The following FER variants were observed in gnomAD, a reference collection of about 807,000 sequenced individuals.
FER encodes the protein FER tyrosine kinase, also known as tyrosine-protein kinase Fer.
A neutral mutation model predicts 111.0 loss-of-function variants in FER; 63 were observed. The observed-to-expected ratio is 0.57, with a 90% confidence interval of 0.46 to 0.70. The LOEUF (loss-of-function observed/expected upper bound fraction) is 0.70. FER is among the 30% of genes least tolerant of loss of function. The pLI, the probability that FER is intolerant of heterozygous loss-of-function variation, is 0.00. For synonymous variants in FER, 327 were observed against 313.9 expected (o/e 1.04, Z -0.44); for missense variants, 914 against 954.0 (o/e 0.96, Z 0.55).
chr5:109,095,583 G>A (rs935346921), intron 16 of FER, among the ~76,000 whole-genome samples: 2 of 151,958 alleles, frequency 1.3e-5, no homozygotes, highest in Non-Finnish European at 2.9e-5. Context: ...ACTTGTTTGG[G>A]TTTATATCCT....
intron 2 of FER, among the ~76,000 whole-genome samples, chr5:108,796,563 C>T (rs750228613): frequency 1.3e-5 from 2 of 152,102 alleles, no homozygotes; most frequent in African/African-American, 4.8e-5. Context: ...TATTCTACAG[C>T]TAAACTGGCA....
At chr5:109,075,158 GTC>G (rs1424817185) in intron 16 of FER, among the ~76,000 whole-genome samples, 1 of 152,002 alleles carries the variant, frequency 6.6e-6, no homozygotes, top group African/African-American at 2.4e-5. Context: ...TTACGCTGCT[GTC>G]TCTTTTCTTG....
chr5:108,798,451 A>C lies in FER; in HGVS notation c.207+62A>C. 4.0e-6 allele frequency: 5 copies of C among 1,257,198 alleles called. No homozygotes were observed. In the South Asian group the frequency reaches 6.6e-5, roughly 17 times the overall value. The allele number at this position is 1,257,198 out of a possible 1,614,324, so 77.9% of individuals were successfully genotyped here. ...ATTATAATTGTCCTTAAAATGCAAT[A>C]GCTCAAACTATTGAATGAGCATACT... is the stretch of plus-strand genomic sequence containing the variant. On this transcript the variant is annotated intron_variant, in intron 3 of 19. Transcript: ENST00000281092.
At chr5:108,807,487 T>C (rs141354419) in intron 3 of FER, among the ~76,000 whole-genome samples, 188 of 152,342 alleles carry the variant, frequency 1.2e-3, no homozygotes, top group African/African-American at 4.3e-3. Flanking sequence ...TGATTTCTTA[T>C]TGTGCTTATT....
At chr5:109,132,557 C>CTG (rs1398592234) in intron 17 of FER, among the ~76,000 whole-genome samples, 1 of 152,066 alleles carries the variant, frequency 6.6e-6, no homozygotes, top group African/African-American at 2.4e-5. Flanking sequence ...TCTACTTTGA[C>CTG]TGTTAAAAGG....
intron 5 of FER, among the ~76,000 whole-genome samples, chr5:108,838,826 A>G (rs1038151454): frequency 2.0e-5 from 3 of 152,162 alleles, no homozygotes; most frequent in African/African-American, 4.8e-5. Context: ...TACACCTTAA[A>G]CATTAAATGT....
intron 17 of FER, among the ~76,000 whole-genome samples, chr5:109,163,593 A>G (rs1756228581): frequency 6.6e-6 from 1 of 152,054 alleles, no homozygotes; most frequent in Non-Finnish European, 1.5e-5. Flanking sequence ...GGGTATGTGC[A>G]GTGATATCTC....
At chr5:109,166,738 C>G (rs1205182962) in intron 17 of FER, among the ~76,000 whole-genome samples, 1 of 152,150 alleles carries the variant, frequency 6.6e-6, no homozygotes, top group African/African-American at 2.4e-5. Flanking sequence ...CTTACTAGGG[C>G]TGGAGAGTAT....
chr5:109,166,629 G>A (rs1756586544), intron 17 of FER, among the ~76,000 whole-genome samples: 2 of 152,218 alleles, frequency 1.3e-5, no homozygotes, highest in Middle Eastern at 3.4e-3. Context: ...ATTTCTTATT[G>A]TTCTGTCAGT....
intron 5 of FER, 174 bp downstream of exon 5, chr5:108,835,981 A>G (rs1381405965): frequency 2.7e-6 from 1 of 374,424 alleles, no homozygotes; most frequent in East Asian, 5.1e-5. Flanking sequence ...CTAATTTTCC[A>G]TTGCTTTAAA....
At chr5:108,775,656 C>T (rs1460743224) in intron 2 of FER, among the ~76,000 whole-genome samples, 1 of 151,840 alleles carries the variant, frequency 6.6e-6, no homozygotes, top group Non-Finnish European at 1.5e-5. Flanking sequence ...AATAGGCTGG[C>T]CAGTCAGGTG....
chr5:108,811,285 T>C (rs1431119150), intron 3 of FER, among the ~76,000 whole-genome samples: 1 of 152,222 alleles, frequency 6.6e-6, no homozygotes, highest in Non-Finnish European at 1.5e-5. Context: ...TGCCTGGGTA[T>C]GGAGTGGAGT....
chr5:109,188,774 G>GAAAT lies in FER; in HGVS notation c.*1202_*1205dup, dbSNP rs1428728250. The stretch of plus-strand genomic sequence containing the variant: ...AGAAACTGCAAAGCACAAATCCACA[G>GAAAT]AAATAACAGCATACTTTCAGTTAAG... On this transcript the variant is annotated 3_prime_UTR_variant, in exon 20 of 20. Transcript: ENST00000281092. 1.3e-5 allele frequency: 2 copies of GAAAT among 152,178 alleles called. No individual in the cohort carries two copies. The highest frequency in any genetic ancestry group is 6.5e-5 in the Admixed American group (1 of 15,278). The allele number at this position is 152,178 out of a possible 1,614,324, so 9.4% of individuals were successfully genotyped here. A position where few individuals can be genotyped will look rare whatever the true frequency, so the allele number is the denominator to read the frequency against.
chr5:109,183,258 T>TC (rs1758474910), intron 18 of FER, among the ~76,000 whole-genome samples: 1 of 149,466 alleles, frequency 6.7e-6, no homozygotes. Context: ...GTTTTTTTTT[T>TC]TTTTTTTTGA....
At chr5:109,051,838 A>T in intron 16 of FER, 1 of 1,596,734 alleles carries the variant, frequency 6.3e-7, no homozygotes. Flanking sequence ...GATGATGAAG[A>T]TGGTTTTCTC....
chr5:109,071,738 A>G (rs1209137045), intron 16 of FER, among the ~76,000 whole-genome samples: 1 of 152,010 alleles, frequency 6.6e-6, no homozygotes, highest in Non-Finnish European at 1.5e-5. Flanking sequence ...TTTCATTGGT[A>G]GTGCAAAATA....
chr5:108,916,580 A>G (rs1029359577), intron 10 of FER, among the ~76,000 whole-genome samples: 4 of 152,148 alleles, frequency 2.6e-5, no homozygotes, highest in Non-Finnish European at 1.5e-5. Flanking sequence ...GTGGGTATTT[A>G]GATATAGCTT....
At chr5:109,171,605 G>T (rs1443619980) in intron 17 of FER, among the ~76,000 whole-genome samples, 2 of 152,136 alleles carry the variant, frequency 1.3e-5, no homozygotes, top group Admixed American at 6.6e-5. Flanking sequence ...GTAACTTATT[G>T]CATCCAAGTA....
intron 5 of FER, among the ~76,000 whole-genome samples, chr5:108,864,400 T>C (rs1200577224): frequency 6.6e-6 from 1 of 152,136 alleles, no homozygotes; most frequent in South Asian, 2.1e-4. Context: ...AGGTCTGAAA[T>C]TGTCCCTCTT....
Sources: gnomAD v4.1 joint callset for allele counts (sites outside exome capture counted in the v4.1 genomes callset) on GRCh38, gnomAD v4.1.1 for gene constraint, MANE v1.5 for transcripts, NCBI Gene and HGNC (gene_info 2026-07-23, HGNC 2026-07-21) for gene names.